Variants in C8orf34 observed in about 807,000 individuals in gnomAD.
C8orf34 encodes the protein uncharacterized protein C8orf34.
C8orf34 carries 65 observed loss-of-function variants against 68.3 expected under a neutral mutation model. The observed-to-expected ratio is 0.95, with a 90% CI of 0.78 to 1.17. The LOEUF (loss-of-function observed/expected upper bound fraction) is 1.17, where lower values mean the gene tolerates loss of function less well. Ranked by LOEUF, C8orf34 falls within the 50% of genes most tolerant of loss-of-function variation. The pLI, the probability that C8orf34 is intolerant of heterozygous loss-of-function variation, is 0.00. For missense variants in C8orf34, 664 were observed against 655.4 expected (o/e 1.01, Z -0.14); for synonymous variants, 244 against 241.2 (o/e 1.01, Z -0.11).
At chr8:68,711,825 A>C (rs1821336711) in intron 9 of C8orf34, among the ~76,000 whole-genome samples, 1 of 152,172 alleles carries the variant, frequency 6.6e-6, no homozygotes, top group Admixed American at 6.5e-5. Flanking sequence ...GAATACAAGA[A>C]GCTCAAAGAA....
intron 8 of C8orf34, among the ~76,000 whole-genome samples, chr8:68,681,606 T>G (rs1398933530): frequency 1.3e-5 from 2 of 152,160 alleles, no homozygotes. Context: ...GTTTGGAAGT[T>G]CCTCGAAAAA....
At chr8:68,582,409 T>C in intron 7 of C8orf34, among the ~76,000 whole-genome samples, 1 of 152,162 alleles carries the variant, frequency 6.6e-6, no homozygotes, top group African/African-American at 2.4e-5. Flanking sequence ...AGAGAATTTC[T>C]TTATGGCCAG....
intron 12 of C8orf34, among the ~76,000 whole-genome samples, chr8:68,801,945 C>T (rs1282132290): frequency 6.6e-6 from 1 of 151,140 alleles, no homozygotes; most frequent in African/African-American, 2.4e-5. Context: ...CAGGCATGTG[C>T]GTACATACAT....
At chr8:68,560,210 T>C (rs1231715832) in intron 7 of C8orf34, among the ~76,000 whole-genome samples, 12 of 151,960 alleles carry the variant, frequency 7.9e-5, no homozygotes. Flanking sequence ...GAGAGCATTA[T>C]GCACCTACAG....
At chr8:68,508,817 G>T (rs1280747030) in intron 5 of C8orf34, among the ~76,000 whole-genome samples, 1 of 152,168 alleles carries the variant, frequency 6.6e-6, no homozygotes, top group Non-Finnish European at 1.5e-5. Context: ...CAAAAATTCA[G>T]ACTTGCAGAC....
At chr8:68,709,357 C>A (rs1018965482) in intron 9 of C8orf34, among the ~76,000 whole-genome samples, 1 of 152,128 alleles carries the variant, frequency 6.6e-6, no homozygotes, top group African/African-American at 2.4e-5. Flanking sequence ...ACTCCCTAAA[C>A]TATGTCACTA....
At chr8:68,480,380 C>A (rs1178365200) in intron 4 of C8orf34, among the ~76,000 whole-genome samples, 3 of 152,276 alleles carry the variant, frequency 2.0e-5, no homozygotes, top group Non-Finnish European at 4.4e-5. Flanking sequence ...TTTTTGTTCC[C>A]AGTTTTGGGT....
chr8:68,748,242 G>A (rs1000447029), intron 10 of C8orf34, among the ~76,000 whole-genome samples: 2 of 137,964 alleles, frequency 1.4e-5, no homozygotes, highest in African/African-American at 5.7e-5. Flanking sequence ...AATTCAAGAT[G>A]GATTAAAGAT....
chr8:68,687,336 G>A (rs915590684), intron 8 of C8orf34, among the ~76,000 whole-genome samples: 3 of 152,076 alleles, frequency 2.0e-5, no homozygotes, highest in African/African-American at 7.2e-5. Context: ...CAAATTTGGA[G>A]GCATCACATT....
At chr8:68,812,499 T>TA (rs1237122011) in intron 12 of C8orf34, among the ~76,000 whole-genome samples, 1 of 152,154 alleles carries the variant, frequency 6.6e-6, no homozygotes, top group African/African-American at 2.4e-5. Context: ...TCTTCCATAT[T>TA]AGGACACATA....
At chr8:68,465,318 T>A (rs1345411821) in intron 3 of C8orf34, among the ~76,000 whole-genome samples, 1 of 149,574 alleles carries the variant, frequency 6.7e-6, no homozygotes, top group Non-Finnish European at 1.5e-5. Flanking sequence ...CTGGAGAGGA[T>A]GTGGAGAAAT....
At chr8:68,535,979 A>G (rs1439908158) in intron 7 of C8orf34, among the ~76,000 whole-genome samples, 5 of 152,178 alleles carry the variant, frequency 3.3e-5, no homozygotes, top group Non-Finnish European at 7.3e-5. Context: ...TCGTTCTGGC[A>G]ATTAATGACC....
At chr8:68,466,525 A>G (rs1812142886) in intron 3 of C8orf34, among the ~76,000 whole-genome samples, 2 of 151,888 alleles carry the variant, frequency 1.3e-5, no homozygotes. Context: ...AATAAAAATA[A>G]AAATAAAATG....
chr8:68,515,944 C>T (rs1814492929), intron 5 of C8orf34, among the ~76,000 whole-genome samples: 1 of 152,190 alleles, frequency 6.6e-6, no homozygotes, highest in Non-Finnish European at 1.5e-5. Flanking sequence ...TCTTTAATCC[C>T]TAACTTGAAT....
chr8:68,568,086 A>G (rs1157369430), intron 7 of C8orf34, among the ~76,000 whole-genome samples: 1 of 152,054 alleles, frequency 6.6e-6, no homozygotes, highest in African/African-American at 2.4e-5. Flanking sequence ...TGGAACACAT[A>G]AACATTTATT....
At chr8:68,348,744 C>T (rs1806385911) in intron 1 of C8orf34, among the ~76,000 whole-genome samples, 1 of 151,710 alleles carries the variant, frequency 6.6e-6, no homozygotes, top group Admixed American at 6.6e-5. Flanking sequence ...AATGGGGTTG[C>T]CTTTCTGATT....
chr8:68,423,958 C>G (rs763083804), intron 1 of C8orf34, among the ~76,000 whole-genome samples: 2 of 152,092 alleles, frequency 1.3e-5, no homozygotes, highest in Non-Finnish European at 2.9e-5. Flanking sequence ...GAAACTGCCC[C>G]CATGATCTGA....
At chr8:68,805,824 AATT>A (rs1323844372) in intron 12 of C8orf34, among the ~76,000 whole-genome samples, 1 of 152,092 alleles carries the variant, frequency 6.6e-6, no homozygotes, top group Non-Finnish European at 1.5e-5. Flanking sequence ...TGCGTAGTGT[AATT>A]ATTATTATAC....
At chr8:68,816,946 G>T (rs1369306289) in intron 13 of C8orf34, among the ~76,000 whole-genome samples, 2 of 152,130 alleles carry the variant, frequency 1.3e-5, no homozygotes, top group South Asian at 2.1e-4. Flanking sequence ...AAGGATATAG[G>T]TACACAACTA....
Sources: gnomAD v4.1 joint callset for allele counts (sites outside exome capture counted in the v4.1 genomes callset) on GRCh38, gnomAD v4.1.1 for gene constraint, MANE v1.5 for transcripts, NCBI Gene and HGNC (gene_info 2026-07-23, HGNC 2026-07-21) for gene names.